The following PPM1D variants were observed in gnomAD, a reference collection of about 807,000 sequenced individuals.
The protein encoded by PPM1D is protein phosphatase 1D.
In PPM1D, 52 loss-of-function variants were observed where a neutral mutation model predicts 58.3. That is an observed-to-expected ratio of 0.89 (90% CI 0.71 to 1.12). The LOEUF (loss-of-function observed/expected upper bound fraction) is 1.12, where lower values mean the gene tolerates loss of function less well. PPM1D is among the 50% of genes most tolerant of loss of function. The pLI is 0.00. For synonymous variants in PPM1D, 278 were observed against 285.1 expected (o/e 0.98, Z 0.25); for missense variants, 564 against 777.2 (o/e 0.73, Z 3.26).
chr17:60,663,939 C>T lies in PPM1D; in HGVS notation c.*387C>T. On this transcript the variant is annotated 3_prime_UTR_variant, in exon 6 of 6. Coordinates refer to ENST00000305921, the MANE Select transcript of PPM1D (RefSeq NM_003620.4). ...CTTATTAAAAAATTTGTATAAGCCACTTGTCTTGAAAACTGTGCAACTTTT... is the reference window on the plus strand; with the variant it reads ...CTTATTAAAAAATTTGTATAAGCCATTTGTCTTGAAAACTGTGCAACTTTT... 1 of 161,760 alleles carries T rather than the reference C, an allele frequency of 6.2e-6. No individual in the cohort carries two copies. The allele number at this position is 161,760 out of a possible 1,614,324, so 10.0% of individuals were successfully genotyped here. A position where few individuals can be genotyped will look rare whatever the true frequency, so the allele number is the denominator to read the frequency against.
chr17:60,645,675 T>A (rs908301528), intron 3 of PPM1D, among the ~76,000 whole-genome samples: 1 of 144,686 alleles, frequency 6.9e-6, no homozygotes, highest in South Asian at 2.2e-4. Flanking sequence ...CACACACATA[T>A]ACATATACAT....
At chr17:60,638,260 TCA>T (rs1409450155) in intron 3 of PPM1D, among the ~76,000 whole-genome samples, 2 of 152,214 alleles carry the variant, frequency 1.3e-5, no homozygotes, top group Non-Finnish European at 2.9e-5. Context: ...ATTTCTCTTG[TCA>T]CATAAATATT....
Position 60,610,283 on chromosome 17 carries a change from A to G in PPM1D, c.472+9397A>G, listed in dbSNP as rs2030427762. Among the ~76,000 whole-genome samples, 6 of 152,182 alleles carry G rather than the reference A, an allele frequency of 3.9e-5. 1 individual carries two copies. The South Asian group carries it at 1.2e-3, about 32-fold the overall frequency. On this transcript the variant is annotated intron_variant, in intron 1 of 5. Coordinates refer to ENST00000305921, the MANE Select transcript of PPM1D (RefSeq NM_003620.4). The stretch of plus-strand genomic sequence containing the variant: ...AGGCATCCTTTGGGGGTTTTGGAAC[A>G]TATGCCCCTGCGATAAGGGGGTACT...
At chr17:60,659,425 T>G (rs1382816312) in intron 5 of PPM1D, among the ~76,000 whole-genome samples, 1 of 152,236 alleles carries the variant, frequency 6.6e-6, no homozygotes, top group Admixed American at 6.5e-5. Context: ...ATGGAGATAG[T>G]GGAAAAGCCT....
chr17:60,611,840 T>C (rs535579226), intron 1 of PPM1D, among the ~76,000 whole-genome samples: 77 of 152,334 alleles, frequency 5.1e-4, no homozygotes, highest in Middle Eastern at 6.8e-3. Flanking sequence ...GTTAAACTTA[T>C]GTAATTTTAT....
chr17:60,651,400 G>GGTT, intron 4 of PPM1D, among the ~76,000 whole-genome samples: 1 of 149,816 alleles, frequency 6.7e-6, no homozygotes, highest in Middle Eastern at 3.5e-3. Context: ...CAGTGTTTTT[G>GGTT]GTTTTTTTTT....
chr17:60,663,249 C>CAA lies in PPM1D; in HGVS notation c.1516_1517insAA (p.Thr506LysfsTer9). The CAA allele has an allele frequency of 6.2e-7, 1 of 1,614,126 alleles. No homozygotes were observed. The highest frequency in any genetic ancestry group is 8.5e-7 in the Non-Finnish European group (1 of 1,180,024). On this transcript the variant is annotated frameshift_variant, in exon 6 of 6. Coordinates refer to ENST00000305921, the MANE Select transcript of PPM1D (RefSeq NM_003620.4). LOFTEE classifies it high-confidence loss of function. ...GCCTTGTGCCTACTAATTCAACAAA[C>CAA]ACTGTCATGGACCAAAAAAATTTGA...
chr17:60,626,597 T>C (rs978657201), intron 2 of PPM1D, among the ~76,000 whole-genome samples: 3 of 152,100 alleles, frequency 2.0e-5, no homozygotes, highest in Non-Finnish European at 4.4e-5. Flanking sequence ...GGTTTCACCA[T>C]GTTAGCCAGG....
At chr17:60,606,567 T>TA (rs531149338) in intron 1 of PPM1D, among the ~76,000 whole-genome samples, 45 of 148,446 alleles carry the variant, frequency 3.0e-4, no homozygotes, top group Middle Eastern at 3.5e-3. Flanking sequence ...ACTTTTGTAT[T>TA]AAAAAAAAAA....
Position 60,656,708 on chromosome 17 carries a change from C to T in PPM1D, c.1127C>T (p.Ser376Phe), listed in dbSNP as rs61739281. The change falls in exon 5 of 6, where the codon TCT (serine) becomes TTT (phenylalanine). Residue 376 changes from serine to phenylalanine, a missense_variant. Ser to Phe is a radical substitution (Grantham distance 155, BLOSUM62 -2). Transcript: ENST00000305921. Reference protein sequence around the residue: ...DNTSAIVICISPEVDNQGNFT... With the variant: ...DNTSAIVICIFPEVDNQGNFT... ...ACTAGTGCCATAGTAATCTGCATCT[C>T]TCCAGAAGTGGACAATCAGGGAAAC... 1.8e-4 allele frequency: 286 copies of T among 1,614,058 alleles called. No individual in the cohort carries two copies. The highest frequency in any genetic ancestry group is 2.2e-4 in the Non-Finnish European group (261 of 1,180,038).
intron 1 of PPM1D, among the ~76,000 whole-genome samples, chr17:60,608,699 A>G (rs1185174531): frequency 7.9e-5 from 12 of 152,008 alleles, no homozygotes; most frequent in African/African-American, 4.8e-5. Flanking sequence ...AACTGCTTCT[A>G]TATTCAGTGT....
intron 1 of PPM1D, among the ~76,000 whole-genome samples, chr17:60,620,739 A>G (rs1598402720): frequency 6.6e-6 from 1 of 151,784 alleles, no homozygotes. Flanking sequence ...AGAACTCCTG[A>G]CCTCATGGTC....
chr17:60,626,131 G>A (rs562943408), intron 2 of PPM1D, among the ~76,000 whole-genome samples: 1 of 152,022 alleles, frequency 6.6e-6, no homozygotes, highest in East Asian at 1.9e-4. Flanking sequence ...ATTGCAAACT[G>A]CTGTGAAATG....
chr17:60,623,483 A>G (rs762573447), intron 1 of PPM1D, 38 bp from the exon 2 acceptor site: 8 of 1,566,916 alleles, frequency 5.1e-6, no homozygotes, highest in Non-Finnish European at 7.0e-6. Context: ...ATTAATGTTT[A>G]TACTTGCAAG....
At chr17:60,631,620 G>T in intron 2 of PPM1D, among the ~76,000 whole-genome samples, 1 of 151,636 alleles carries the variant, frequency 6.6e-6, no homozygotes, top group East Asian at 1.9e-4. Context: ...AAAAAAGGGT[G>T]GGGGGATGGT....
chr17:60,610,764 G>T (rs1000308482), intron 1 of PPM1D, among the ~76,000 whole-genome samples: 3 of 152,182 alleles, frequency 2.0e-5, no homozygotes, highest in Admixed American at 6.5e-5. Context: ...CATAGAAAAG[G>T]TTTGCTGACC....
intron 1 of PPM1D, among the ~76,000 whole-genome samples, chr17:60,607,236 C>T (rs1475064860): frequency 6.6e-6 from 1 of 151,694 alleles, no homozygotes; most frequent in Admixed American, 6.6e-5. Context: ...TGTTTACTGC[C>T]CTTTTATTAT....
At chr17:60,615,460 C>T (rs2030562896) in intron 1 of PPM1D, among the ~76,000 whole-genome samples, 1 of 151,262 alleles carries the variant, frequency 6.6e-6, no homozygotes, top group Admixed American at 6.6e-5. Flanking sequence ...CTAGATGGTG[C>T]TGTCTTTTAA....
Position 60,663,029 on chromosome 17 carries a change from C to T in PPM1D, c.1295C>T (p.Ser432Phe), listed in dbSNP as rs900497056. 6.2e-7 allele frequency: 1 copy of T among 1,613,566 alleles called. No homozygotes were observed. The highest frequency in any genetic ancestry group is 8.5e-7 in the Non-Finnish European group (1 of 1,179,784). Residue 432 changes from serine to phenylalanine, a missense_variant, in exon 6 of 6, where the codon TCT becomes TTT. Around this residue, in one of 7 missense-constraint regions of PPM1D, gnomAD observed 261 missense variants for 270.1 expected, o/e 0.97. Coordinates refer to ENST00000305921, the MANE Select transcript of PPM1D (RefSeq NM_003620.4). ...LEEDPWPRVN[S>F]KDHIPALVRS... ...GAGGATCCATGGCCAAGGGTGAATT[C>T]TAAGGACCATATACCTGCCCTGGTT...
Sources: allele counts gnomAD v4.1 joint callset (sites outside exome capture counted in the v4.1 genomes callset), GRCh38; gene constraint gnomAD v4.1.1; regional missense constraint gnomAD v4.1.1; transcripts MANE v1.5; gene names NCBI Gene and HGNC (gene_info 2026-07-23, HGNC 2026-07-21).